Variants in AFF2 observed in about 807,000 individuals in gnomAD.
AFF2 encodes AF4/FMR2 family member 2.
A neutral mutation model predicts 76.9 loss-of-function variants in AFF2; 14 were observed. That is an observed-to-expected ratio of 0.18 (90% CI 0.12 to 0.28). AFF2 has a LOEUF of 0.28. Ranked by LOEUF, AFF2 falls within the 10% of genes least tolerant of loss-of-function variation. The pLI, the probability that AFF2 is intolerant of heterozygous loss-of-function variation, is 1.00. For missense variants in AFF2, 868 were observed against 1,001.1 expected, an observed-to-expected ratio of 0.87 and a Z score of 1.79; for synonymous variants, 398 against 366.7, an observed-to-expected ratio of 1.09 and a Z score of -0.98.
chrX:148,627,969 T>G (rs1234686753), intron 1 of AFF2, among the ~76,000 whole-genome samples: 2 of 111,631 alleles, frequency 1.8e-5, no homozygotes, highest in Non-Finnish European at 3.8e-5. Context: ...TTGGCCAAGC[T>G]GGCCAAGGGA....
At chrX:148,903,287 A>T (rs2071373650) in intron 8 of AFF2, among the ~76,000 whole-genome samples, 1 of 112,120 alleles carries the variant, frequency 8.9e-6, no homozygotes, top group Non-Finnish European at 1.9e-5. Flanking sequence ...ATGAAAAAAA[A>T]ATCATCACTA....
Position 148,962,700 on chromosome X carries a change from T to A in AFF2, c.2691-15T>A. The A allele has an allele frequency of 8.5e-7, 1 of 1,180,148 alleles. No homozygotes were observed. Among genetic ancestry groups the A allele is most frequent in the Non-Finnish European group, 1.2e-6 (1 of 867,977 alleles). ...AGAAGACTTTATGACACCCTACACT[T>A]CTTGTTTTTCACAGAAATAATTCAT... On this transcript the variant is annotated splice_polypyrimidine_tract_variant and intron_variant, in intron 12 of 20. Coordinates refer to ENST00000370460, the MANE Select transcript of AFF2 (RefSeq NM_002025.4).
intron 1 of AFF2, among the ~76,000 whole-genome samples, chrX:148,628,381 T>C (rs1451897227): frequency 1.8e-5 from 2 of 111,232 alleles, no homozygotes; most frequent in African/African-American, 6.5e-5. Context: ...TGGAGATAAC[T>C]GGGAAGAGAA....
chrX:148,753,970 C>G (rs1022083569), intron 3 of AFF2, among the ~76,000 whole-genome samples: 5 of 111,106 alleles, frequency 4.5e-5, no homozygotes, highest in Admixed American at 9.6e-5. Context: ...AACTCCAGAG[C>G]CTCCCAATAT....
At chrX:148,585,777 C>T (rs1485916691) in intron 1 of AFF2, among the ~76,000 whole-genome samples, 2 of 103,115 alleles carry the variant, frequency 1.9e-5, no homozygotes, top group Non-Finnish European at 2.0e-5. Context: ...GCAAGTGGAG[C>T]TTGCAGTGAG....
chrX:148,831,782 G>A (rs1557273347), intron 4 of AFF2, among the ~76,000 whole-genome samples: 1 of 112,180 alleles, frequency 8.9e-6, no homozygotes, highest in Non-Finnish European at 1.9e-5. Flanking sequence ...GCATCCTGGT[G>A]CTTAGCTGCT....
At chrX:148,990,550 G>A (rs2072522549) in intron 20 of AFF2, among the ~76,000 whole-genome samples, 1 of 112,615 alleles carries the variant, frequency 8.9e-6, no homozygotes, top group Non-Finnish European at 1.9e-5. Context: ...TAGTAGTGTA[G>A]CCTCAGGGCT....
intron 1 of AFF2, among the ~76,000 whole-genome samples, chrX:148,646,911 T>G (rs887253825): frequency 9.0e-6 from 1 of 111,571 alleles, no homozygotes; most frequent in East Asian, 2.8e-4. Flanking sequence ...TTTGAGCTGC[T>G]TTTATAGTTT....
intron 1 of AFF2, among the ~76,000 whole-genome samples, chrX:148,608,894 C>T (rs2053700060): frequency 9.0e-6 from 1 of 111,689 alleles, no homozygotes; most frequent in Non-Finnish European, 1.9e-5. Flanking sequence ...CCAAATCCTG[C>T]CTTCAATGTG....
Position 148,662,431 on chromosome X carries a change from A to G in AFF2, c.704A>G (p.Gln235Arg). The G allele has an allele frequency of 9.9e-6, 12 of 1,211,858 alleles. No homozygotes were observed. Among genetic ancestry groups the G allele is most frequent in the Non-Finnish European group, 1.3e-5 (12 of 895,456 alleles). The change falls in exon 3 of 21, where the codon CAA becomes CGA. Residue 235 changes from glutamine (Q) to arginine (R), a missense_variant. Gln to Arg is a conservative substitution (Grantham distance 43). Transcript: ENST00000370460. ...GAAGATGCTTTCAAAGAAATCTTTCAATCCAATTCACCGGAAGAATCTGAA... is the reference window on the plus strand; with the variant it reads ...GAAGATGCTTTCAAAGAAATCTTTCGATCCAATTCACCGGAAGAATCTGAA... ...SGEDAFKEIFQSNSPEESEFA... is the reference protein window; with the variant it reads ...SGEDAFKEIFRSNSPEESEFA...
At chrX:148,555,812 C>T (rs1340887819) in intron 1 of AFF2, among the ~76,000 whole-genome samples, 4 of 112,494 alleles carry the variant, frequency 3.6e-5, no homozygotes, top group African/African-American at 1.3e-4. Context: ...AGTTTTTATG[C>T]ATCTGATTAT....
intron 19 of AFF2, among the ~76,000 whole-genome samples, chrX:148,986,249 G>T (rs1378679241): frequency 8.9e-6 from 1 of 112,262 alleles, no homozygotes; most frequent in African/African-American, 3.2e-5. Flanking sequence ...CACTCATTAT[G>T]TTCTGTCCTG....
chrX:148,953,186 C>A (rs370035467), intron 9 of AFF2, among the ~76,000 whole-genome samples: 21 of 111,720 alleles, frequency 1.9e-4, no homozygotes, highest in African/African-American at 6.9e-4. Flanking sequence ...GGGTATTGAA[C>A]AAGGGGGCAA....
chrX:148,795,190 C>A (rs2069951589), intron 3 of AFF2, among the ~76,000 whole-genome samples: 1 of 111,634 alleles, frequency 9.0e-6, no homozygotes, highest in Non-Finnish European at 1.9e-5. Flanking sequence ...TTCTTTATAT[C>A]ATCCTCATAT....
intron 1 of AFF2, among the ~76,000 whole-genome samples, chrX:148,555,564 G>A (rs2053043083): frequency 8.9e-6 from 1 of 112,070 alleles, no homozygotes; most frequent in Non-Finnish European, 1.9e-5. Flanking sequence ...CCTGGTTTGA[G>A]CATTGGACTT....
chrX:148,979,094 A>T (rs925136639), intron 18 of AFF2, among the ~76,000 whole-genome samples: 2 of 112,184 alleles, frequency 1.8e-5, no homozygotes, highest in Admixed American at 1.9e-4. Flanking sequence ...ACTAGGCCTG[A>T]TCACTGTACT....
intron 8 of AFF2, among the ~76,000 whole-genome samples, chrX:148,889,674 C>T (rs1015154519): frequency 2.8e-4 from 31 of 111,661 alleles, no homozygotes; most frequent in African/African-American, 1.0e-3. Flanking sequence ...GGGCAGCAGA[C>T]ATATGCATGC....
At chrX:148,600,160 G>A in intron 1 of AFF2, among the ~76,000 whole-genome samples, 1 of 112,186 alleles carries the variant, frequency 8.9e-6, no homozygotes, top group Non-Finnish European at 1.9e-5. Flanking sequence ...AACATTGCAG[G>A]TGTTTTGATC....
intron 1 of AFF2, among the ~76,000 whole-genome samples, chrX:148,571,262 C>A (rs1444563965): frequency 1.8e-5 from 2 of 111,534 alleles, no homozygotes; most frequent in Admixed American, 1.9e-4. Flanking sequence ...TGACTTGAAG[C>A]CATGCTTCTG....
Sources: gnomAD v4.1 joint callset for allele counts (sites outside exome capture counted in the v4.1 genomes callset) on GRCh38, gnomAD v4.1.1 for gene constraint, MANE v1.5 for transcripts, NCBI Gene and HGNC (gene_info 2026-07-23, HGNC 2026-07-21) for gene names.